Variants in UBE2O observed in about 807,000 individuals in gnomAD.
The protein encoded by UBE2O is (E3-independent) E2 ubiquitin-conjugating enzyme.
UBE2O carries 15 observed loss-of-function variants against 125.8 expected under a neutral mutation model. The ratio of observed to expected loss-of-function variants is 0.12; its 90% confidence interval spans 0.08 to 0.18. UBE2O has a LOEUF of 0.18. Among genes scored for constraint, UBE2O ranks in the 10% least tolerant of loss-of-function variants. UBE2O has a pLI of 1.00. For missense variants in UBE2O, 1,280 were observed against 1,723.6 expected (o/e 0.74, Z 4.56); for synonymous variants, 708 against 703.2 (o/e 1.01, Z -0.11).
Position 76,391,189 on chromosome 17 carries a change from A to G in UBE2O, c.3633T>C (p.Ala1211=). ...SEGGAQGLAS[A]SRDHTDQTSE... is the part of the protein sequence containing the mutation. ...AAGTCTGGTCTGTGTGGTCCCTGCT[A>G]GCTGAGGCCAGGCCCTGGGCACCGC... Residue 1211 remains alanine (A), a synonymous_variant, in exon 18 of 18, where the codon GCT becomes GCC. Coordinates refer to ENST00000319380, the MANE Select transcript of UBE2O (RefSeq NM_022066.4). The surrounding 1 kb of genome is among the most constrained non-coding windows in gnomAD (Gnocchi z 8.4). 1 of 1,613,156 alleles carries G rather than the reference A, an allele frequency of 6.2e-7. No homozygotes were observed. The highest frequency in any genetic ancestry group is 8.5e-7 in the Non-Finnish European group (1 of 1,179,382).
In UBE2O at chr17:76,396,955, A is replaced by T. The variant is rs1323289684; in HGVS notation, c.2116-134T>A. 1 of 714,186 alleles carries T rather than the reference A, an allele frequency of 1.4e-6. No homozygotes were observed. The highest frequency in any genetic ancestry group is 2.2e-6 in the Non-Finnish European group (1 of 446,170). 44.2% of individuals were successfully genotyped at this position (714,186 alleles called of 1,614,324 possible). ...CATGAGGCCTTGGCAACCTCATTCC[A>T]CCCTTTCCCTGACCTCTGCTCTGGC... is the stretch of plus-strand genomic sequence containing the variant. On this transcript the variant is annotated intron_variant, in intron 13 of 17. Transcript: ENST00000319380. The surrounding 1 kb of genome is among the most constrained non-coding windows in gnomAD (Gnocchi z 6.7).
rs775018554 is a variant in UBE2O at position 76,399,700 on chromosome 17, C to G, written c.1377G>C (p.Gln459His). 3.7e-6 allele frequency: 6 copies of G among 1,614,080 alleles called. No homozygotes were observed. The highest frequency in any genetic ancestry group is 1.7e-5 in the Admixed American group (1 of 60,012). Residue 459 changes from glutamine (Q) to histidine (H), a missense_variant, in exon 9 of 18, where the codon CAG (glutamine) becomes CAC (histidine). By Grantham distance (24) the Gln-to-His change is conservative. Around this residue, in one of 10 missense-constraint regions of UBE2O, gnomAD observed 141 missense variants for 141.3 expected, o/e 1.00. Coordinates refer to ENST00000319380, the MANE Select transcript of UBE2O (RefSeq NM_022066.4). This position sits in a 1 kb window ranked among gnomAD's most constrained non-coding sequence, Gnocchi z 6.9. ...CTTCTTTTAGCAGGAATGGGGGCAG[C>G]TGCTCTCCTGCCTCGTGGGGCTCCT... Reference protein sequence around the residue: ...GAEEPHEAGEQLPPFLLKEGR... With the variant: ...GAEEPHEAGEHLPPFLLKEGR...
chr17:76,438,402 C>T (rs1266574382), intron 1 of UBE2O, among the ~76,000 whole-genome samples: 2 of 152,152 alleles, frequency 1.3e-5, no homozygotes, highest in African/African-American at 4.8e-5. Flanking sequence ...CTCTTCTGAT[C>T]ACCTCAAAGC....
intron 1 of UBE2O, among the ~76,000 whole-genome samples, chr17:76,411,009 TAAAG>T (rs1317693493): frequency 3.8e-4 from 37 of 97,458 alleles, no homozygotes; most frequent in African/African-American, 1.2e-3. Context: ...AGACGCTAAA[TAAAG>T]AAGCTACTTT....
intron 1 of UBE2O, among the ~76,000 whole-genome samples, chr17:76,423,728 A>AT (rs1555608475): frequency 1.4e-4 from 20 of 144,454 alleles, no homozygotes; most frequent in African/African-American, 2.8e-4. Flanking sequence ...AAATAAATAA[A>AT]AAATAAGGTC....
chr17:76,434,892 C>A (rs1452973746), intron 1 of UBE2O, among the ~76,000 whole-genome samples: 2 of 151,576 alleles, frequency 1.3e-5, no homozygotes, highest in African/African-American at 4.9e-5. Flanking sequence ...TCGGTGGTAC[C>A]TCTGGCTACT....
intron 1 of UBE2O, among the ~76,000 whole-genome samples, chr17:76,435,417 TACACACACACACAC>T (rs59781051): frequency 5.0e-4 from 48 of 96,440 alleles, no homozygotes; most frequent in Admixed American, 9.0e-4. Flanking sequence ...CACACACACA[TACACACACACACAC>T]ACACACACAC....
rs1223414639 is a variant in UBE2O at position 76,390,853 on chromosome 17, G to A, written c.*90C>T. ...CAGTGGGTTTGCAGTGGGGACAGAG[G>A]GGCATGGGAAGAGGGGTGATTCCGG... is the stretch of plus-strand genomic sequence containing the variant. On this transcript the variant is annotated 3_prime_UTR_variant, in exon 18 of 18. Transcript: ENST00000319380. The A allele has an allele frequency of 7.4e-7, 1 of 1,344,440 alleles. No individual in the cohort carries two copies. The highest frequency in any genetic ancestry group is 1.0e-6 in the Non-Finnish European group (1 of 985,944). 83.3% of individuals were successfully genotyped at this position (1,344,440 alleles called of 1,614,324 possible).
In UBE2O at chr17:76,390,888, A is replaced by C. The variant is rs1341586952; in HGVS notation, c.*55T>G. ...AGAGGGGTGATTCCGGGGGGGAGTG[A>C]GCAGGCGGCGGCTGGCCTCTCCCAC... On this transcript the variant is annotated 3_prime_UTR_variant, in exon 18 of 18. Coordinates refer to ENST00000319380, the MANE Select transcript of UBE2O (RefSeq NM_022066.4). 1.3e-6 allele frequency: 2 copies of C among 1,517,608 alleles called. No homozygotes were observed. The highest frequency in any genetic ancestry group is 2.8e-5 in the African/African-American group (2 of 72,502). 94.0% of individuals were successfully genotyped at this position (1,517,608 alleles called of 1,614,324 possible). A position where few individuals can be genotyped will look rare whatever the true frequency, so the allele number is the denominator to read the frequency against.
At position 76,419,092 on chromosome 17, in the gene UBE2O, T is replaced by C. The variant is rs187572069; in HGVS notation, c.418-13520A>G. 2.6e-4 allele frequency among the ~76,000 whole-genome samples: 40 copies of C among 151,042 alleles called. 1 individual carries two copies. In the East Asian group the frequency reaches 7.6e-3, roughly 29 times the overall value. On this transcript the variant is annotated intron_variant, in intron 1 of 17. Transcript: ENST00000319380. ...AAGCCCAGGAGTTCGAGAACCAGCC[T>C]GGGCAACCTAGTGAGACCCTATCTC...
rs1274552178 is a variant in UBE2O, at chr17:76,398,662, G to A, written c.1784-78C>T. The A allele has an allele frequency of 6.6e-7, 1 of 1,510,378 alleles. No individual in the cohort carries two copies. The highest frequency in any genetic ancestry group is 1.7e-5 in the Admixed American group (1 of 57,684). 93.6% of individuals were successfully genotyped at this position (1,510,378 alleles called of 1,614,324 possible). A position where few individuals can be genotyped will look rare whatever the true frequency, so the allele number is the denominator to read the frequency against. ...CCCACATCTCAAGCCAGTGCAGAGT[G>A]CAGAACCCTGACCTTCCCCCGTCTT... On this transcript the variant is annotated intron_variant, in intron 10 of 17. Coordinates refer to ENST00000319380, the MANE Select transcript of UBE2O (RefSeq NM_022066.4). This position sits in a 1 kb window ranked among gnomAD's most constrained non-coding sequence, Gnocchi z 5.4.
rs146958741 is a variant in UBE2O at position 76,444,720 on chromosome 17, G to A, written c.417+8005C>T. The stretch of plus-strand genomic sequence containing the variant: ...AGACATCCATTTCCCCCAGTACAGT[G>A]CTGGGATGACCCAAAAGCACACTGG... On this transcript the variant is annotated intron_variant, in intron 1 of 17. Transcript: ENST00000319380. Among the ~76,000 whole-genome samples the A allele has an allele frequency of 1.3e-3, 204 of 152,300 alleles. 2 individuals are homozygous for A. Among genetic ancestry groups the A allele is most frequent in the African/African-American group, 4.8e-3 (199 of 41,540 alleles).
chr17:76,436,258 AATTT>A (rs1342387730), intron 1 of UBE2O, among the ~76,000 whole-genome samples: 2 of 152,108 alleles, frequency 1.3e-5, no homozygotes, highest in Non-Finnish European at 2.9e-5. Context: ...AAAATTAATT[AATTT>A]ATTAATTAAT....
chr17:76,434,397 C>T (rs1164905186), intron 1 of UBE2O, among the ~76,000 whole-genome samples: 1 of 152,102 alleles, frequency 6.6e-6, no homozygotes, highest in Non-Finnish European at 1.5e-5. Context: ...AACCCCAACG[C>T]GTAGGAAACA....
intron 13 of UBE2O, among the ~76,000 whole-genome samples, chr17:76,397,093 C>T (rs1256855070): frequency 1.3e-5 from 2 of 152,208 alleles, no homozygotes; most frequent in Admixed American, 6.5e-5. Context: ...CTGTGCACTT[C>T]GTCAGCATCT....
Position 76,395,233 on chromosome 17 carries a change from G to A in UBE2O, c.2946+492C>T, listed in dbSNP as rs2072183757. Reference sequence around the variant, plus strand: ...ATCTCGCTCTGTCACCCAGGCTGGAGTGCAGTGGCGTGATCTCGGCTCACT... The same window carrying A: ...ATCTCGCTCTGTCACCCAGGCTGGAATGCAGTGGCGTGATCTCGGCTCACT... On this transcript the variant is annotated intron_variant, in intron 15 of 17. Transcript: ENST00000319380. This position sits in a 1 kb window ranked among gnomAD's most constrained non-coding sequence, Gnocchi z 5.0. 1 of 152,210 alleles carries A rather than the reference G, an allele frequency of 6.6e-6. No homozygotes were observed. The highest frequency in any genetic ancestry group is 1.5e-5 in the Non-Finnish European group (1 of 68,198). The allele number at this position is 152,210 out of a possible 1,614,324, so 9.4% of individuals were successfully genotyped here.
At chr17:76,437,850 T>A (rs2073023498) in intron 1 of UBE2O, among the ~76,000 whole-genome samples, 2 of 152,192 alleles carry the variant, frequency 1.3e-5, no homozygotes. Flanking sequence ...ATCTAAAAAA[T>A]GTTTGTTTAG....
chr17:76,444,871 A>T (rs925410464), intron 1 of UBE2O, among the ~76,000 whole-genome samples: 1 of 152,074 alleles, frequency 6.6e-6, no homozygotes, highest in Non-Finnish European at 1.5e-5. Flanking sequence ...AGCACTGCAT[A>T]TGTCAAGCCC....
intron 1 of UBE2O, among the ~76,000 whole-genome samples, chr17:76,435,974 C>T (rs541345579): frequency 1.4e-4 from 22 of 152,208 alleles, no homozygotes; most frequent in African/African-American, 2.4e-4. Context: ...AGGCCCCGTG[C>T]GGTGGCTCAC....
Sources: gnomAD v4.1 joint callset for allele counts (sites outside exome capture counted in the v4.1 genomes callset) on GRCh38, gnomAD v4.1.1 for gene constraint, gnomAD v4.1.1 regional missense constraint, Gnocchi (gnomAD v3.1) non-coding constraint, MANE v1.5 for transcripts, NCBI Gene and HGNC (gene_info 2026-07-23, HGNC 2026-07-21) for gene names.